XKR6: variants seen among roughly 807,000 people sequenced by gnomAD.
XKR6 encodes XK related 6.
A neutral mutation model predicts 56.7 loss-of-function variants in XKR6; 22 were observed. The ratio of observed to expected loss-of-function variants is 0.39; its 90% confidence interval spans 0.28 to 0.55. The LOEUF is 0.55. Ranked by LOEUF, XKR6 falls within the 20% of genes least tolerant of loss-of-function variation. The probability of loss-of-function intolerance (pLI) is 0.66; values close to 1 mark genes in which losing one functional copy is unlikely to be tolerated. For synonymous variants in XKR6, 524 were observed against 387.8 expected, an observed-to-expected ratio of 1.35 and a Z score of -4.13; for missense variants, 852 against 889.0, an observed-to-expected ratio of 0.96 and a Z score of 0.53.
chr8:11,044,678 G>C (rs1799364663), intron 1 of XKR6, among the ~76,000 whole-genome samples: 1 of 151,122 alleles, frequency 6.6e-6, no homozygotes, highest in Non-Finnish European at 1.5e-5. Context: ...GAGTGCAATA[G>C]CATGATCTCA....
At chr8:10,996,625 T>C (rs1439769522) in intron 1 of XKR6, among the ~76,000 whole-genome samples, 3 of 152,050 alleles carry the variant, frequency 2.0e-5, no homozygotes, top group East Asian at 1.9e-4. Flanking sequence ...AATGGGAATA[T>C]ATGTGAGGGG....
intron 1 of XKR6, among the ~76,000 whole-genome samples, chr8:10,945,100 C>G (rs1324176120): frequency 6.6e-6 from 1 of 152,150 alleles, no homozygotes; most frequent in Non-Finnish European, 1.5e-5. Context: ...CTGGCTCCAC[C>G]CCACGCCACC....
chr8:11,076,507 G>C (rs906513945), intron 1 of XKR6, among the ~76,000 whole-genome samples: 4 of 152,196 alleles, frequency 2.6e-5, no homozygotes, highest in African/African-American at 4.8e-5. Flanking sequence ...AGAACCCAAG[G>C]CCTGGAGTCA....
intron 1 of XKR6, among the ~76,000 whole-genome samples, chr8:11,128,515 T>A (rs952028552): frequency 1.3e-4 from 20 of 152,326 alleles, no homozygotes; most frequent in African/African-American, 4.8e-4. Flanking sequence ...TGACCAGTTC[T>A]AGTAGTACAT....
rs908755482 is a variant in XKR6 at position 11,075,176 on chromosome 8, G to GA, written c.764+125399dup. On this transcript the variant is annotated intron_variant, in intron 1 of 2. Transcript: ENST00000416569. ...ACCCTGCCATGGCTTGAACTCTGGG[G>GA]AAAAAAAGGGTGGTTGTCTACAAGG... 5.9e-5 allele frequency among the ~76,000 whole-genome samples: 9 copies of GA among 152,176 alleles called. 1 individual carries two copies. The South Asian group carries it at 6.2e-4, about 11-fold the overall frequency.
chr8:11,005,690 T>G (rs371247758), intron 1 of XKR6, among the ~76,000 whole-genome samples: 1 of 152,146 alleles, frequency 6.6e-6, no homozygotes, highest in African/African-American at 2.4e-5. Flanking sequence ...ATATATGAAT[T>G]TGCTAGCAAA....
At position 11,200,632 on chromosome 8, in the gene XKR6, G is replaced by C. The variant is rs1251018408; in HGVS notation, c.708C>G (p.Leu236=). 2.6e-6 allele frequency: 4 copies of C among 1,552,308 alleles called. No individual in the cohort carries two copies. Among genetic ancestry groups the C allele is most frequent in the Non-Finnish European group, 3.4e-6 (4 of 1,159,722 alleles). Residue 236 remains leucine (L), a synonymous_variant, in exon 1 of 3, where the codon CTC becomes CTG. Transcript: ENST00000416569. This position sits in a 1 kb window ranked among gnomAD's most constrained non-coding sequence, Gnocchi z 6.4. ...PTPGAQRLCR[L]SVWIWQSVIH... Reference sequence around the variant, plus strand: ...TGACCGACTGCCAGATCCACACGGAGAGGCGACACAGGCGCTGCGCCCCCG... The same window carrying C: ...TGACCGACTGCCAGATCCACACGGACAGGCGACACAGGCGCTGCGCCCCCG...
intron 1 of XKR6, among the ~76,000 whole-genome samples, chr8:11,098,167 C>T (rs573572965): frequency 2.0e-5 from 3 of 152,064 alleles, no homozygotes; most frequent in Admixed American, 6.6e-5. Flanking sequence ...TCCAGAAATA[C>T]CGAATTGGAA....
chr8:11,173,532 G>A lies in XKR6; in HGVS notation c.764+27044C>T, dbSNP rs144032953. On this transcript the variant is annotated intron_variant, in intron 1 of 2. Coordinates refer to ENST00000416569, the MANE Select transcript of XKR6 (RefSeq NM_173683.4). ...CTAAACTGGAATCTCTTTATTACGC[G>A]GCAGGATGCTGGACAAGCTGCTGAC... Among the ~76,000 whole-genome samples, 45 of 151,986 alleles carry A rather than the reference G, an allele frequency of 3.0e-4. No individual in the cohort carries two copies. In the East Asian group the frequency reaches 6.2e-3, roughly 21 times the overall value.
rs114986503 is a variant in XKR6 at position 10,963,099 on chromosome 8, C to G, written c.765-38269G>C. ...ACAGCGCCAGACCAAGCACATCCCG[C>G]TTCTCCTCTCTCGGCGCTTCCAGGG... On this transcript the variant is annotated intron_variant, in intron 1 of 2. Coordinates refer to ENST00000416569, the MANE Select transcript of XKR6 (RefSeq NM_173683.4). Among the ~76,000 whole-genome samples the G allele has an allele frequency of 2.4e-3, 371 of 152,372 alleles. 2 individuals carry two copies. Among genetic ancestry groups the G allele is most frequent in the African/African-American group, 8.7e-3 (360 of 41,592 alleles).
chr8:11,045,075 C>CTTTTTTTTTTT lies in XKR6; in HGVS notation c.765-120256_765-120246dup, dbSNP rs5889356. Reference sequence around the variant, plus strand: ...TTACCATTTCCACCCTCAAATCACTCTTTTTTTTTTTTTTTTTTTTTTTTT... The same window carrying CTTTTTTTTTTT: ...TTACCATTTCCACCCTCAAATCACTCTTTTTTTTTTTTTTTTTTTTTTTTTTTTTTTTTTTT... On this transcript the variant is annotated intron_variant, in intron 1 of 2. Coordinates refer to ENST00000416569, the MANE Select transcript of XKR6 (RefSeq NM_173683.4). 1.1e-4 allele frequency among the ~76,000 whole-genome samples: 4 copies of CTTTTTTTTTTT among 36,000 alleles called. 1 individual carries two copies. Among genetic ancestry groups the CTTTTTTTTTTT allele is most frequent in the Non-Finnish European group, 1.5e-4 (3 of 19,410 alleles). The allele number at this position is 36,000 out of a possible 152,430, so 23.6% of individuals were successfully genotyped here.
intron 1 of XKR6, chr8:11,108,528 T>C (rs1395493950): frequency 1.1e-5 from 4 of 367,138 alleles, no homozygotes; most frequent in African/African-American, 4.3e-5. Flanking sequence ...GCAGGAGGCA[T>C]TGCCTAGGAG....
In XKR6 at chr8:11,125,567, A is replaced by G. The variant is rs141013714; in HGVS notation, c.764+75009T>C. On this transcript the variant is annotated intron_variant, in intron 1 of 2. Coordinates refer to ENST00000416569, the MANE Select transcript of XKR6 (RefSeq NM_173683.4). ...TGAGTCCTGTCACCACCCAGAGAAGATCCTCATGGCTTCCTGAGACCTATA... is the reference window on the plus strand; with the variant it reads ...TGAGTCCTGTCACCACCCAGAGAAGGTCCTCATGGCTTCCTGAGACCTATA... 3.4e-3 allele frequency among the ~76,000 whole-genome samples: 514 copies of G among 152,176 alleles called. 2 individuals carry two copies. The highest frequency in any genetic ancestry group is 0.014 in the Middle Eastern group (4 of 294).
chr8:10,953,817 G>C (rs1332548025), intron 1 of XKR6, among the ~76,000 whole-genome samples: 2 of 152,164 alleles, frequency 1.3e-5, no homozygotes, highest in Admixed American at 6.5e-5. Flanking sequence ...GCTGCTACCT[G>C]TTCTTCCATT....
intron 1 of XKR6, among the ~76,000 whole-genome samples, chr8:11,185,420 G>A (rs906959382): frequency 6.6e-6 from 1 of 152,144 alleles, no homozygotes; most frequent in Non-Finnish European, 1.5e-5. Flanking sequence ...TTCCATATAC[G>A]TAGTTTCACT....
intron 2 of XKR6, among the ~76,000 whole-genome samples, chr8:10,911,958 G>A (rs1226239886): frequency 6.8e-6 from 1 of 147,558 alleles, no homozygotes; most frequent in Non-Finnish European, 1.5e-5. Flanking sequence ...GAGAGAGGTT[G>A]AGTTTACACA....
chr8:11,190,246 AAAAGAAAAG>A (rs1392028235), intron 1 of XKR6, among the ~76,000 whole-genome samples: 1 of 151,294 alleles, frequency 6.6e-6, no homozygotes, highest in Non-Finnish European at 1.5e-5. Context: ...AAGAAAAAAG[AAAAGAAAAG>A]AAAGGAAAGG....
chr8:11,033,169 A>T (rs1376053431), intron 1 of XKR6, among the ~76,000 whole-genome samples: 1 of 151,868 alleles, frequency 6.6e-6, no homozygotes, highest in Non-Finnish European at 1.5e-5. Flanking sequence ...GTTGATGATG[A>T]TGGTAATGGT....
intron 1 of XKR6, chr8:11,035,075 C>T (rs1329686880): frequency 1.4e-5 from 6 of 415,676 alleles, no homozygotes; most frequent in South Asian, 3.7e-5. Flanking sequence ...TTCTGAGCTT[C>T]GGTTTCCTCA....
Sources: allele counts gnomAD v4.1 joint callset (sites outside exome capture counted in the v4.1 genomes callset), GRCh38; gene constraint gnomAD v4.1.1; non-coding constraint Gnocchi (gnomAD v3.1); transcripts MANE v1.5; gene names NCBI Gene and HGNC (gene_info 2026-07-23, HGNC 2026-07-21).